The following RAP1B variants were observed in gnomAD, a reference collection of about 807,000 sequenced individuals.
RAP1B encodes RAP1B, member of RAS oncogene family.
RAP1B carries 1 observed loss-of-function variant against 27.5 expected under a neutral mutation model. The ratio of observed to expected loss-of-function variants is 0.04; its 90% CI spans 0.01 to 0.17. The LOEUF (loss-of-function observed/expected upper bound fraction) is 0.17. Among genes scored for constraint, RAP1B ranks in the 10% least tolerant of loss-of-function variants. RAP1B has a pLI of 1.00. For missense variants in RAP1B, 84 were observed against 214.8 expected, an observed-to-expected ratio of 0.39 and a Z score of 3.81; for synonymous variants, 75 against 73.1, an observed-to-expected ratio of 1.03 and a Z score of -0.13.
chr12:68,657,753 C>A (rs1224312492), intron 7 of RAP1B: 1 of 159,560 alleles, frequency 6.3e-6, no homozygotes, highest in Non-Finnish European at 1.3e-5. Context: ...CACACACACA[C>A]ACACACACAC....
intron 2 of RAP1B, chr12:68,649,201 T>C (rs1377850052): frequency 1.3e-5 from 2 of 155,184 alleles, no homozygotes; most frequent in African/African-American, 2.4e-5. Flanking sequence ...CGTGCCACCA[T>C]GCCAGGCTAA....
intron 1 of RAP1B, among the ~76,000 whole-genome samples, chr12:68,624,295 C>CA (rs1871593713): frequency 6.6e-6 from 1 of 152,080 alleles, no homozygotes; most frequent in East Asian, 1.9e-4. Context: ...TGGTGCCTAA[C>CA]AAACACTAAC....
rs993024476 is a variant in RAP1B, at chr12:68,662,240, GA to G, written c.*2995del. 6.6e-6 allele frequency: 1 copy of G among 151,628 alleles called. No individual in the cohort carries two copies. Among genetic ancestry groups the G allele is most frequent in the African/African-American group, 2.4e-5 (1 of 41,318 alleles). The allele number at this position is 151,628 out of a possible 1,614,324, so 9.4% of individuals were successfully genotyped here. The stretch of plus-strand genomic sequence containing the variant: ...GATTGACTTTTCTGGTGCTTAATGG[GA>G]AAATACTAAAATAATTGAGTCAGAA... On this transcript the variant is annotated 3_prime_UTR_variant, in exon 8 of 8. Transcript: ENST00000250559.
chr12:68,626,872 A>T lies in RAP1B; in HGVS notation c.-27+15829A>T, dbSNP rs187943477. 11 of 1,576,790 alleles carry T rather than the reference A, an allele frequency of 7.0e-6. No individual in the cohort carries two copies. The Admixed American group carries it at 1.7e-4, about 24-fold the overall frequency. On this transcript the variant is annotated intron_variant, in intron 1 of 7. Coordinates refer to ENST00000250559, the MANE Select transcript of RAP1B (RefSeq NM_001010942.3). ...AGGGGGCAGCACAGTGGAAGCCCTCATGAGTGCAGGGCCCGCCACTTGTCC... is the reference window on the plus strand; with the variant it reads ...AGGGGGCAGCACAGTGGAAGCCCTCTTGAGTGCAGGGCCCGCCACTTGTCC...
intron 1 of RAP1B, among the ~76,000 whole-genome samples, chr12:68,645,893 G>GA (rs1292362752): frequency 6.6e-6 from 1 of 152,156 alleles, no homozygotes; most frequent in Non-Finnish European, 1.5e-5. Context: ...CCCCAAACTG[G>GA]AAATCAGCTG....
At chr12:68,631,670 T>C (rs532807234) in intron 1 of RAP1B, among the ~76,000 whole-genome samples, 9 of 152,144 alleles carry the variant, frequency 5.9e-5, no homozygotes, top group Non-Finnish European at 1.5e-5. Context: ...ACTTTTCTTA[T>C]CCCTGGTATG....
At chr12:68,632,150 G>GTT (rs1555171648) in intron 1 of RAP1B, among the ~76,000 whole-genome samples, 1 of 80,334 alleles carries the variant, frequency 1.2e-5, no homozygotes, top group Non-Finnish European at 2.6e-5. Flanking sequence ...TTTTTTGTTT[G>GTT]TTTTTTTTTT....
At chr12:68,614,388 GT>G (rs1332523594) in intron 1 of RAP1B, among the ~76,000 whole-genome samples, 1 of 152,164 alleles carries the variant, frequency 6.6e-6, no homozygotes, top group East Asian at 1.9e-4. Flanking sequence ...TTCTCTGTAT[GT>G]TTGTGTTGCT....
intron 1 of RAP1B, among the ~76,000 whole-genome samples, chr12:68,645,413 T>A (rs1045073312): frequency 2.0e-5 from 3 of 152,260 alleles, no homozygotes; most frequent in Admixed American, 6.5e-5. Context: ...TTGTCACAAA[T>A]GTCTTTGAAA....
Position 68,664,273 on chromosome 12 carries a change from C to T in RAP1B, c.*5024C>T, listed in dbSNP as rs1034203975. 9.2e-5 allele frequency: 14 copies of T among 152,178 alleles called. No individual in the cohort carries two copies. Among genetic ancestry groups the T allele is most frequent in the African/African-American group, 3.4e-4 (14 of 41,436 alleles). The allele number at this position is 152,178 out of a possible 1,614,324, so 9.4% of individuals were successfully genotyped here. ...GTTTTTGTCATCCGCCATTATTACC[C>T]ATTCAAATTTCTATTTATGTCTGGT... On this transcript the variant is annotated 3_prime_UTR_variant, in exon 8 of 8. Transcript: ENST00000250559.
chr12:68,639,544 C>T (rs1407355645), intron 1 of RAP1B, among the ~76,000 whole-genome samples: 6 of 152,174 alleles, frequency 3.9e-5, no homozygotes, highest in African/African-American at 1.4e-4. Context: ...GCTTCAGAGA[C>T]ATTTCCTTGA....
intron 1 of RAP1B, among the ~76,000 whole-genome samples, chr12:68,628,518 A>G (rs893137757): frequency 1.3e-5 from 2 of 152,210 alleles, no homozygotes; most frequent in Admixed American, 6.5e-5. Flanking sequence ...ACCTTGTCCA[A>G]TGCGTGATTT....
At chr12:68,647,254 G>A (rs902662666) in intron 1 of RAP1B, among the ~76,000 whole-genome samples, 2 of 151,794 alleles carry the variant, frequency 1.3e-5, no homozygotes, top group Non-Finnish European at 1.5e-5. Flanking sequence ...GGGTTTTGAA[G>A]CCGGGTGTGG....
intron 1 of RAP1B, among the ~76,000 whole-genome samples, chr12:68,616,052 C>T (rs1031139716): frequency 6.6e-6 from 1 of 151,906 alleles, no homozygotes; most frequent in Non-Finnish European, 1.5e-5. Context: ...CAAGCTCCGC[C>T]TCCAGGGTTC....
At chr12:68,618,243 C>G (rs181389979) in intron 1 of RAP1B, among the ~76,000 whole-genome samples, 1 of 151,842 alleles carries the variant, frequency 6.6e-6, no homozygotes, top group African/African-American at 2.4e-5. Context: ...TGCGCCACCA[C>G]GCCTGGCTAA....
At chr12:68,613,407 AAG>A (rs1491440575) in intron 1 of RAP1B, among the ~76,000 whole-genome samples, 15 of 151,100 alleles carry the variant, frequency 9.9e-5, no homozygotes, top group Non-Finnish European at 1.9e-4. Context: ...AAAAAAAAAA[AAG>A]GAGATAAGAA....
rs944716704 is a variant in RAP1B, at chr12:68,659,676, C to T, written c.*427C>T. ...GTCCAAAGAGCTCCTATATAGACTA[C>T]TCCAGATAACTTCGCTTCTTTGATA... is the stretch of plus-strand genomic sequence containing the variant. On this transcript the variant is annotated 3_prime_UTR_variant, in exon 8 of 8. Coordinates refer to ENST00000250559, the MANE Select transcript of RAP1B (RefSeq NM_001010942.3). The T allele has an allele frequency of 2.0e-5, 3 of 152,634 alleles. No homozygotes were observed. Among genetic ancestry groups the T allele is most frequent in the East Asian group, 1.9e-4 (1 of 5,190 alleles). The allele number at this position is 152,634 out of a possible 1,614,324, so 9.5% of individuals were successfully genotyped here.
At chr12:68,642,745 A>G in intron 1 of RAP1B, 1 of 1,074,068 alleles carries the variant, frequency 9.3e-7, no homozygotes. Context: ...CAGTATATTT[A>G]TCCTCTGGCA....
At chr12:68,627,347 A>C in intron 1 of RAP1B, 1 of 731,658 alleles carries the variant, frequency 1.4e-6, no homozygotes, top group Non-Finnish European at 2.5e-6. Flanking sequence ...CCATGAGGAA[A>C]GGAACTCAGT....
Sources: allele counts gnomAD v4.1 joint callset (sites outside exome capture counted in the v4.1 genomes callset), GRCh38; gene constraint gnomAD v4.1.1; transcripts MANE v1.5; gene names NCBI Gene and HGNC (gene_info 2026-07-23, HGNC 2026-07-21).